Variants in C1orf141 observed in about 807,000 individuals in gnomAD.
C1orf141 encodes uncharacterized protein C1orf141.
C1orf141 carries 19 observed loss-of-function variants against 23.2 expected under a neutral mutation model. The ratio of observed to expected loss-of-function variants is 0.82; its 90% confidence interval spans 0.57 to 1.20. C1orf141 has a LOEUF of 1.20. Among genes scored for constraint, C1orf141 ranks in the 50% most tolerant of loss-of-function variants. C1orf141 has a pLI of 0.00. For missense variants in C1orf141, 469 were observed against 455.1 expected (o/e 1.03, Z -0.28); for synonymous variants, 153 against 154.6 (o/e 0.99, Z 0.08).
At chr1:67,126,066 T>G (rs1020027341) in intron 3 of C1orf141, among the ~76,000 whole-genome samples, 157 bp from the exon 4 acceptor site, 1 of 151,914 alleles carries the variant, frequency 6.6e-6, no homozygotes, top group Non-Finnish European at 1.5e-5. Context: ...GACTGAAAAT[T>G]GGGGGTCTAG....
At chr1:67,131,821 G>A (rs114106030) in intron 1 of C1orf141, among the ~76,000 whole-genome samples, 2,679 of 132,090 alleles carry the variant, frequency 0.02, 76 homozygotes, top group African/African-American at 0.074. Flanking sequence ...ATGGAGTCTC[G>A]CAGTCTAGGC....
intron 5 of C1orf141, chr1:67,111,553 A>T: frequency 1.1e-6 from 1 of 951,904 alleles, no homozygotes; most frequent in Non-Finnish European, 1.5e-6. Flanking sequence ...TTAAGTAATT[A>T]CTGAGTATAC....
At chr1:67,141,600 T>A (rs1884443) in intron 1 of C1orf141, among the ~76,000 whole-genome samples, 127,475 of 151,918 alleles carry the variant, frequency 0.84, 53,876 homozygotes, top group East Asian at 1. Context: ...TCTACTAAAA[T>A]TAAAAAAAAT....
At chr1:67,113,825 T>C (rs1646132146) in intron 5 of C1orf141, 1 of 567,788 alleles carries the variant, frequency 1.8e-6, no homozygotes, top group Non-Finnish European at 3.0e-6. Flanking sequence ...AGGTGATTAG[T>C]AACAGCCCTC....
intron 7 of C1orf141, chr1:67,094,443 C>A (rs1645626002): frequency 6.6e-6 from 1 of 152,244 alleles, no homozygotes; most frequent in African/African-American, 2.4e-5. Context: ...TTGCCCTAGG[C>A]TCTGCCATTC....
chr1:67,126,106 G>A (rs1228673033), intron 3 of C1orf141, among the ~76,000 whole-genome samples, 197 bp from the exon 4 acceptor site: 2 of 152,120 alleles, frequency 1.3e-5, no homozygotes, highest in African/African-American at 4.8e-5. Flanking sequence ...CCTTTGCTGT[G>A]TGACCTGAGT....
chr1:67,095,285 G>A lies in C1orf141; in HGVS notation c.553C>T (p.His185Tyr), dbSNP rs373921634. Residue 185 changes from histidine to tyrosine, a missense_variant, in exon 7 of 8, where the codon CAT becomes TAT. Transcript: ENST00000684719. ...GGACTAACGTTGACTATCTTGGCAT[G>A]TGGATTTTTCAATTCATCCTCAAAG... ...LCFEDELKNP[H>Y]AKIVNVSPTK... 8 of 1,607,226 alleles carry A rather than the reference G, an allele frequency of 5.0e-6. No homozygotes were observed. The Admixed American group carries it at 1.0e-4, about 20-fold the overall frequency.
chr1:67,112,310 A>ACACTGGCTAT (rs1449712840), intron 5 of C1orf141, among the ~76,000 whole-genome samples: 1 of 152,214 alleles, frequency 6.6e-6, no homozygotes, highest in African/African-American at 2.4e-5. Flanking sequence ...TTATTTGTTG[A>ACACTGGCTAT]TCAACTATAT....
chr1:67,104,916 G>A (rs561297867), intron 5 of C1orf141, among the ~76,000 whole-genome samples: 4 of 152,194 alleles, frequency 2.6e-5, no homozygotes, highest in African/African-American at 9.6e-5. Flanking sequence ...GGTCAAAAAG[G>A]ATTAAAATGT....
At chr1:67,095,443 G>C in intron 6 of C1orf141, 22 bp from the exon 7 acceptor site, 2 of 1,405,528 alleles carry the variant, frequency 1.4e-6, no homozygotes, top group Non-Finnish European at 1.9e-6. Context: ...CACAGTTCAG[G>C]GTAGTGTTCA....
chr1:67,101,573 T>G (rs1645801227), intron 5 of C1orf141, among the ~76,000 whole-genome samples: 1 of 151,786 alleles, frequency 6.6e-6, no homozygotes, highest in Non-Finnish European at 1.5e-5. Context: ...TCCTAAGAAA[T>G]GGAATTGTGC....
At chr1:67,093,686 A>G in intron 7 of C1orf141, 82 bp from the exon 8 acceptor site, 1 of 1,075,144 alleles carries the variant, frequency 9.3e-7, no homozygotes, top group Non-Finnish European at 1.3e-6. Context: ...TGTAAATAAA[A>G]TTGTAAAATA....
At chr1:67,107,204 T>C (rs58147393) in intron 5 of C1orf141, among the ~76,000 whole-genome samples, 13,910 of 151,872 alleles carry the variant, frequency 0.092, 1,109 homozygotes, top group African/African-American at 0.22. Flanking sequence ...CTTTAATCTA[T>C]ACGGAAACCA....
chr1:67,121,094 G>T (rs1378827297), intron 4 of C1orf141, among the ~76,000 whole-genome samples: 1 of 152,154 alleles, frequency 6.6e-6, no homozygotes, highest in Admixed American at 6.5e-5. Context: ...AAAGAAATAA[G>T]AACTTTTGTC....
At chr1:67,100,004 GT>G (rs1378986665) in intron 5 of C1orf141, among the ~76,000 whole-genome samples, 1 of 151,796 alleles carries the variant, frequency 6.6e-6, no homozygotes. Flanking sequence ...TCAGCCTTTT[GT>G]TTTTTTCTTT....
intron 6 of C1orf141, chr1:67,095,720 A>G (rs1645664689): frequency 4.2e-6 from 1 of 236,832 alleles, no homozygotes; most frequent in African/African-American, 2.3e-5. Flanking sequence ...GCAACGTCCT[A>G]TGTTGAAATT....
At chr1:67,119,317 T>C (rs1279554996) in intron 4 of C1orf141, among the ~76,000 whole-genome samples, 1 of 152,184 alleles carries the variant, frequency 6.6e-6, no homozygotes, top group Non-Finnish European at 1.5e-5. Flanking sequence ...GTCAAAGAAC[T>C]TGGCTTAATT....
intron 1 of C1orf141, among the ~76,000 whole-genome samples, chr1:67,131,843 G>A (rs948939864): frequency 6.9e-6 from 1 of 145,168 alleles, no homozygotes; most frequent in African/African-American, 2.6e-5. Flanking sequence ...GGAGTGCGGT[G>A]GCACAATCTT....
intron 2 of C1orf141, among the ~76,000 whole-genome samples, chr1:67,128,829 T>C (rs1200487568): frequency 6.6e-6 from 1 of 152,184 alleles, no homozygotes; most frequent in Non-Finnish European, 1.5e-5. Context: ...GAATCATCAA[T>C]GTTTTCAATG....
Sources: gnomAD v4.1 joint callset for allele counts (sites outside exome capture counted in the v4.1 genomes callset) on GRCh38, gnomAD v4.1.1 for gene constraint, MANE v1.5 for transcripts, NCBI Gene and HGNC (gene_info 2026-07-23, HGNC 2026-07-21) for gene names.